SIPA1L2: variants seen among roughly 807,000 people sequenced by gnomAD.
The protein encoded by SIPA1L2 is signal induced proliferation associated 1 like 2.
Under a neutral mutation model 163.9 loss-of-function variants are expected in SIPA1L2, and 56 were observed. That is an observed-to-expected ratio of 0.34 (90% CI 0.28 to 0.43). The LOEUF is 0.43. Ranked by LOEUF, SIPA1L2 falls within the 20% of genes least tolerant of loss-of-function variation. The pLI, the probability that SIPA1L2 is intolerant of heterozygous loss-of-function variation, is 1.00. For missense variants in SIPA1L2, 1,974 were observed against 2,193.5 expected (o/e 0.90, Z 2.00); for synonymous variants, 877 against 865.7 (o/e 1.01, Z -0.23).
In SIPA1L2 at chr1:232,465,606, C is replaced by T. The variant is rs1333231366; in HGVS notation, c.2244-190G>A. On this transcript the variant is annotated intron_variant, in intron 8 of 22. Coordinates refer to ENST00000674635, the MANE Select transcript of SIPA1L2 (RefSeq NM_020808.5). This position sits in a 1 kb window ranked among gnomAD's most constrained non-coding sequence, Gnocchi z 4.1. ...CTGCAAGTTCTTGTTCTCCTAATTG[C>T]TGCATACCCAGGGTTTGTTGTTATT... 1.3e-5 allele frequency among the ~76,000 whole-genome samples: 2 copies of T among 151,928 alleles called. No homozygotes were observed. The highest frequency in any genetic ancestry group is 2.9e-5 in the Non-Finnish European group (2 of 68,008).
chr1:232,476,556 A>T (rs182948059), intron 7 of SIPA1L2, among the ~76,000 whole-genome samples: 210 of 152,262 alleles, frequency 1.4e-3, no homozygotes, highest in African/African-American at 4.2e-3. Context: ...AAGCAGAAGG[A>T]AAGCACACAG....
At chr1:232,485,388 T>C (rs1211792890) in intron 5 of SIPA1L2, among the ~76,000 whole-genome samples, 3 of 152,174 alleles carry the variant, frequency 2.0e-5, no homozygotes, top group Admixed American at 6.5e-5. Flanking sequence ...CCTAACATTA[T>C]GAATTTATTG....
At chr1:232,401,023 C>T (rs1202117560) in intron 22 of SIPA1L2, among the ~76,000 whole-genome samples, 1 of 152,186 alleles carries the variant, frequency 6.6e-6, no homozygotes, top group Non-Finnish European at 1.5e-5. Context: ...CCAGCCATTC[C>T]CCAGCAGTGA....
chr1:232,419,010 A>T (rs1020971853), intron 18 of SIPA1L2, among the ~76,000 whole-genome samples: 3 of 152,232 alleles, frequency 2.0e-5, no homozygotes, highest in Admixed American at 6.5e-5. Flanking sequence ...AAGACAATAA[A>T]TGAATAAACA....
intron 1 of SIPA1L2, among the ~76,000 whole-genome samples, chr1:232,625,904 G>A (rs1424604772): frequency 2.0e-5 from 3 of 152,164 alleles, no homozygotes; most frequent in Non-Finnish European, 4.4e-5. Context: ...AGAAGGGTTA[G>A]TTGAGCTACT....
At chr1:232,571,533 T>C (rs1307296416) in intron 2 of SIPA1L2, among the ~76,000 whole-genome samples, 1 of 152,218 alleles carries the variant, frequency 6.6e-6, no homozygotes, top group Non-Finnish European at 1.5e-5. Flanking sequence ...TTTGGTAAAA[T>C]GAAGTTTGCC....
Position 232,562,169 on chromosome 1 carries a change from C to G in SIPA1L2, c.-270+12005G>C, listed in dbSNP as rs113273160. Among the ~76,000 whole-genome samples, 15 of 152,306 alleles carry G rather than the reference C, an allele frequency of 9.8e-5. No individual in the cohort carries two copies. The East Asian group carries it at 2.9e-3, about 29-fold the overall frequency. ...AGGAAAACCAAAATGCTGCCCTTGGCAAGGCTGCCCAGGCTTGTCCTTACA... is the reference window on the plus strand; with the variant it reads ...AGGAAAACCAAAATGCTGCCCTTGGGAAGGCTGCCCAGGCTTGTCCTTACA... On this transcript the variant is annotated intron_variant, in intron 2 of 22. Coordinates refer to ENST00000674635, the MANE Select transcript of SIPA1L2 (RefSeq NM_020808.5).
intron 19 of SIPA1L2, among the ~76,000 whole-genome samples, chr1:232,406,766 G>C (rs1660660148): frequency 6.6e-6 from 1 of 151,068 alleles, no homozygotes; most frequent in South Asian, 2.1e-4. Flanking sequence ...GTCTGTTGAG[G>C]GTGAGGAATA....
chr1:232,621,891 G>A (rs1037873498), intron 1 of SIPA1L2, among the ~76,000 whole-genome samples: 14 of 151,992 alleles, frequency 9.2e-5, no homozygotes, highest in South Asian at 6.2e-4. Flanking sequence ...CACCACACTC[G>A]GCTCATTTTA....
At chr1:232,568,104 A>C (rs1659508426) in intron 2 of SIPA1L2, among the ~76,000 whole-genome samples, 1 of 152,164 alleles carries the variant, frequency 6.6e-6, no homozygotes, top group Admixed American at 6.5e-5. Context: ...TTTGTAATAA[A>C]CCAGTATATC....
chr1:232,451,524 C>G (rs534690365), intron 10 of SIPA1L2, among the ~76,000 whole-genome samples: 2 of 152,276 alleles, frequency 1.3e-5, no homozygotes, highest in East Asian at 3.9e-4. Flanking sequence ...CACAAAAAGA[C>G]ATTTCTAAAA....
intron 19 of SIPA1L2, among the ~76,000 whole-genome samples, chr1:232,410,658 G>C (rs1413801181): frequency 1.3e-5 from 2 of 152,014 alleles, no homozygotes; most frequent in Non-Finnish European, 2.9e-5. Flanking sequence ...ATATTCCTGG[G>C]TGACTTTTTC....
At chr1:232,612,540 T>C (rs536939676) in intron 1 of SIPA1L2, among the ~76,000 whole-genome samples, 1 of 152,238 alleles carries the variant, frequency 6.6e-6, no homozygotes, top group South Asian at 2.1e-4. Context: ...TCAAAGGAGA[T>C]CATTTTGGAG....
At position 232,425,640 on chromosome 1, in the gene SIPA1L2, T is replaced by TGTG; in HGVS notation, c.4576_4578dup (p.His1526dup). 6.2e-7 allele frequency: 1 copy of TGTG among 1,612,446 alleles called. No individual in the cohort carries two copies. The highest frequency in any genetic ancestry group is 8.5e-7 in the Non-Finnish European group (1 of 1,179,486). On this transcript the variant is annotated inframe_insertion, in exon 18 of 23. Transcript: ENST00000674635. ...GGGTGGGCCCGCGGAGGCAGCGTGC[T>TGTG]GTGGTAGGGTGGGGTGGTGCTGAAC...
At chr1:232,544,692 G>A (rs1246344160) in intron 2 of SIPA1L2, among the ~76,000 whole-genome samples, 2 of 152,154 alleles carry the variant, frequency 1.3e-5, no homozygotes, top group African/African-American at 2.4e-5. Flanking sequence ...AAAATAATAC[G>A]AAGGTTGCTT....
intron 10 of SIPA1L2, 90 bp from the exon 11 acceptor site, chr1:232,445,876 CA>C: frequency 2.8e-6 from 4 of 1,435,464 alleles, no homozygotes; most frequent in Non-Finnish European, 3.8e-6. Context: ...CAACACACAT[CA>C]CATGGTGTGT....
chr1:232,446,396 T>A (rs2102875554), intron 10 of SIPA1L2, among the ~76,000 whole-genome samples: 2 of 152,314 alleles, frequency 1.3e-5, no homozygotes, highest in African/African-American at 4.8e-5. Flanking sequence ...TCGTCATTTT[T>A]AGGGATGATG....
In SIPA1L2 at chr1:232,572,758, T is replaced by TAC. The variant is rs1558277683; in HGVS notation, c.-270+1415_-270+1416insGT. On this transcript the variant is annotated intron_variant, in intron 2 of 22. Transcript: ENST00000674635. ...ACATACATATATATATATATATATA[T>TAC]ATATATATATATATATATATATTTA... Among the ~76,000 whole-genome samples, 19 of 69,676 alleles carry TAC rather than the reference T, an allele frequency of 2.7e-4. 1 individual carries two copies. The East Asian group carries it at 3.2e-3, about 12-fold the overall frequency. 45.7% of individuals were successfully genotyped at this position (69,676 alleles called of 152,430 possible). A position where few individuals can be genotyped will look rare whatever the true frequency, so the allele number is the denominator to read the frequency against.
intron 2 of SIPA1L2, among the ~76,000 whole-genome samples, chr1:232,572,718 CACACATATAT>C (rs1558277354): frequency 7.9e-5 from 5 of 63,028 alleles, no homozygotes; most frequent in South Asian, 8.8e-4. Context: ...TATATATATA[CACACATATAT>C]ACATACATAC....
Sources: gnomAD v4.1 joint callset for allele counts (sites outside exome capture counted in the v4.1 genomes callset) on GRCh38, gnomAD v4.1.1 for gene constraint, Gnocchi (gnomAD v3.1) non-coding constraint, MANE v1.5 for transcripts, NCBI Gene and HGNC (gene_info 2026-07-23, HGNC 2026-07-21) for gene names.